USP12: variants seen among roughly 807,000 people sequenced by gnomAD.
USP12 encodes ubiquitin carboxyl-terminal hydrolase 12.
A neutral mutation model predicts 45.5 loss-of-function variants in USP12; 19 were observed. The observed-to-expected ratio is 0.42, with a 90% CI of 0.29 to 0.61. The LOEUF is 0.61. Ranked by LOEUF, USP12 falls within the 20% of genes least tolerant of loss-of-function variation. The probability of loss-of-function intolerance (pLI) is 0.22; values close to 1 mark genes in which losing one functional copy is unlikely to be tolerated. For missense variants in USP12, 242 were observed against 447.7 expected (o/e 0.54, Z 4.15); for synonymous variants, 149 against 148.8 (o/e 1.00, Z -0.01).
In USP12 at chr13:27,095,584, T is replaced by C; in HGVS notation, c.573+17A>G. The C allele has an allele frequency of 1.3e-6, 2 of 1,544,688 alleles. 1 individual carries two copies. Among genetic ancestry groups the C allele is most frequent in the Admixed American group, 3.9e-5 (2 of 51,164 alleles). On this transcript the variant is annotated intron_variant, in intron 4 of 8. Coordinates refer to ENST00000282344, the MANE Select transcript of USP12 (RefSeq NM_182488.4). ...TAATTCAATTTTTCTCTATACAAAATTGTATGATATACTTACAGTTTCACA... is the reference window on the plus strand; with the variant it reads ...TAATTCAATTTTTCTCTATACAAAACTGTATGATATACTTACAGTTTCACA...
intron 1 of USP12, among the ~76,000 whole-genome samples, chr13:27,163,777 A>AG (rs60033236): frequency 0.46 from 64,344 of 139,830 alleles, 15,532 homozygotes; most frequent in East Asian, 0.82. Flanking sequence ...TTAAAAAAAA[A>AG]AAAAAAAAGA....
chr13:27,161,269 G>A (rs1001524288), intron 1 of USP12, among the ~76,000 whole-genome samples: 7 of 152,062 alleles, frequency 4.6e-5, no homozygotes, highest in African/African-American at 1.4e-4. Context: ...AAGTTATAAC[G>A]GCTAGATTTT....
At chr13:27,120,345 G>A (rs4597174) in intron 1 of USP12, among the ~76,000 whole-genome samples, 6,395 of 152,218 alleles carry the variant, frequency 0.042, 162 homozygotes, top group Admixed American at 0.075. Flanking sequence ...AAGAGAAGGC[G>A]TGATGGTGAG....
intron 1 of USP12, among the ~76,000 whole-genome samples, chr13:27,166,535 G>A (rs1878353437): frequency 5.3e-5 from 8 of 152,084 alleles, no homozygotes; most frequent in Admixed American, 5.2e-4. Flanking sequence ...ATCATGGTAG[G>A]GCAGATAATT....
chr13:27,147,989 G>A (rs1057216199), intron 1 of USP12, among the ~76,000 whole-genome samples: 2 of 152,046 alleles, frequency 1.3e-5, no homozygotes, highest in African/African-American at 4.8e-5. Context: ...TTAGCCAGGC[G>A]TGGTGGTGTG....
intron 1 of USP12, among the ~76,000 whole-genome samples, chr13:27,140,636 T>C (rs576064156): frequency 6.6e-6 from 1 of 152,188 alleles, no homozygotes; most frequent in Non-Finnish European, 1.5e-5. Flanking sequence ...GTAACAAAAC[T>C]GAAGTCTTCT....
chr13:27,140,614 C>A (rs1169982659), intron 1 of USP12, among the ~76,000 whole-genome samples: 1 of 152,144 alleles, frequency 6.6e-6, no homozygotes, highest in African/African-American at 2.4e-5. Flanking sequence ...AGATACTATC[C>A]TAATTTTATA....
At chr13:27,083,916 G>A (rs1453794430) in intron 6 of USP12, among the ~76,000 whole-genome samples, 1 of 151,282 alleles carries the variant, frequency 6.6e-6, no homozygotes, top group Non-Finnish European at 1.5e-5. Context: ...CCAGGCTGGA[G>A]TGCAATGGCG....
intron 1 of USP12, among the ~76,000 whole-genome samples, chr13:27,160,615 G>A (rs1000619335): frequency 1.3e-5 from 2 of 151,674 alleles, no homozygotes; most frequent in African/African-American, 4.8e-5. Context: ...AGCCTTTGAT[G>A]TTTCAAATTT....
chr13:27,089,154 G>C (rs759529043), intron 6 of USP12, among the ~76,000 whole-genome samples: 5 of 152,138 alleles, frequency 3.3e-5, no homozygotes, highest in Non-Finnish European at 5.9e-5. Flanking sequence ...TGGGATTCTG[G>C]ACAGAATCCT....
intron 1 of USP12, chr13:27,170,283 T>C (rs1412263334): frequency 2.5e-6 from 1 of 398,556 alleles, no homozygotes; most frequent in Non-Finnish European, 4.4e-6. Flanking sequence ...CAGCGTGTAG[T>C]AGAGAATCTG....
rs1873112447 is a variant in USP12 at position 27,068,934 on chromosome 13, A to C, written c.*349T>G. On this transcript the variant is annotated 3_prime_UTR_variant, in exon 9 of 9. Transcript: ENST00000282344. The stretch of plus-strand genomic sequence containing the variant: ...CCTTATCAATACGGCACAGATTCCG[A>C]TTCTTTCTACTGCACCCCCAAGGAA... 3.3e-6 allele frequency: 1 copy of C among 306,014 alleles called. No individual in the cohort carries two copies. The allele number at this position is 306,014 out of a possible 1,614,324, so 19.0% of individuals were successfully genotyped here.
At chr13:27,150,847 T>G (rs1001345510) in intron 1 of USP12, among the ~76,000 whole-genome samples, 16 of 152,230 alleles carry the variant, frequency 1.1e-4, no homozygotes, top group African/African-American at 3.9e-4. Context: ...GACAAATGGA[T>G]AGTCACGTGC....
At chr13:27,112,701 G>A (rs1875513632) in intron 2 of USP12, among the ~76,000 whole-genome samples, 1 of 152,154 alleles carries the variant, frequency 6.6e-6, no homozygotes, top group Non-Finnish European at 1.5e-5. Context: ...TGAGAGAGAT[G>A]ATGCCATCAA....
chr13:27,126,686 C>T (rs759880744), intron 1 of USP12, among the ~76,000 whole-genome samples: 7 of 152,142 alleles, frequency 4.6e-5, no homozygotes, highest in Non-Finnish European at 1.0e-4. Flanking sequence ...AGACAGGAGA[C>T]CAGATTTGTA....
At chr13:27,117,649 G>C (rs1282573173) in intron 1 of USP12, 1 of 393,282 alleles carries the variant, frequency 2.5e-6, no homozygotes, top group African/African-American at 2.1e-5. Context: ...ACGGAAAGCA[G>C]ACCGAAGAAT....
intron 2 of USP12, among the ~76,000 whole-genome samples, chr13:27,110,616 C>CTTAA (rs1875391965): frequency 6.6e-6 from 1 of 152,110 alleles, no homozygotes; most frequent in Non-Finnish European, 1.5e-5. Flanking sequence ...AAAAGAGGCG[C>CTTAA]TTAAGCTTAA....
intron 3 of USP12, among the ~76,000 whole-genome samples, chr13:27,099,164 T>A (rs1243767890): frequency 1.3e-5 from 2 of 152,206 alleles, no homozygotes; most frequent in Non-Finnish European, 2.9e-5. Flanking sequence ...ATCAAGGTAT[T>A]TCAAAGGAAG....
At chr13:27,105,359 A>C (rs1315875439) in intron 3 of USP12, among the ~76,000 whole-genome samples, 1 of 152,220 alleles carries the variant, frequency 6.6e-6, no homozygotes, top group African/African-American at 2.4e-5. Flanking sequence ...CAAGGATCCA[A>C]TGAGTTAACA....
Sources: allele counts gnomAD v4.1 joint callset (sites outside exome capture counted in the v4.1 genomes callset), GRCh38; gene constraint gnomAD v4.1.1; transcripts MANE v1.5; gene names NCBI Gene and HGNC (gene_info 2026-07-23, HGNC 2026-07-21).